Variants in LRMDA observed in about 807,000 individuals in gnomAD.
LRMDA encodes the protein leucine-rich melanocyte differentiation-associated protein.
A neutral mutation model predicts 29.8 loss-of-function variants in LRMDA; 18 were observed. The observed-to-expected ratio is 0.60, with a 90% CI of 0.42 to 0.90. LRMDA has a LOEUF of 0.90. Among genes scored for constraint, LRMDA ranks in the 40% least tolerant of loss-of-function variants. The probability of loss-of-function intolerance (pLI) is 0.00; values close to 1 mark genes in which losing one functional copy is unlikely to be tolerated. For synonymous variants in LRMDA, 125 were observed against 109.4 expected (o/e 1.14, Z -0.89); for missense variants, 273 against 273.9 (o/e 1.00, Z 0.02).
At chr10:76,483,458 G>C (rs1170626640) in intron 6 of LRMDA, among the ~76,000 whole-genome samples, 1 of 151,858 alleles carries the variant, frequency 6.6e-6, no homozygotes, top group Non-Finnish European at 1.5e-5. Flanking sequence ...ACACGGGGCA[G>C]CTTATGGTAA....
intron 2 of LRMDA, among the ~76,000 whole-genome samples, chr10:75,587,783 A>G (rs1026879958): frequency 1.3e-5 from 2 of 152,194 alleles, no homozygotes; most frequent in Non-Finnish European, 1.5e-5. Context: ...GCTGGTCCCT[A>G]TGGATGGCCA....
At chr10:75,692,591 GTGTGTGTGTGTGTGTA>G (rs1168915282) in intron 2 of LRMDA, among the ~76,000 whole-genome samples, 2 of 150,810 alleles carry the variant, frequency 1.3e-5, no homozygotes, top group Non-Finnish European at 3.0e-5. Flanking sequence ...GTGTGTGTGT[GTGTGTGTGTGTGTGTA>G]TGTGTATGTA....
chr10:76,259,475 T>C (rs796914712), intron 5 of LRMDA, among the ~76,000 whole-genome samples: 2 of 152,260 alleles, frequency 1.3e-5, no homozygotes, highest in African/African-American at 4.8e-5. Flanking sequence ...AGACTTGTTT[T>C]GTGGTGTAAC....
At chr10:75,489,293 T>C (rs1181501409) in intron 2 of LRMDA, among the ~76,000 whole-genome samples, 1 of 151,876 alleles carries the variant, frequency 6.6e-6, no homozygotes, top group Non-Finnish European at 1.5e-5. Flanking sequence ...TGCTGAATAT[T>C]GTTCTAAGGA....
intron 5 of LRMDA, among the ~76,000 whole-genome samples, chr10:76,225,605 T>C (rs894513500): frequency 6.6e-6 from 1 of 151,984 alleles, no homozygotes; most frequent in African/African-American, 2.4e-5. Flanking sequence ...CTCTCTTTTC[T>C]TCTCTCTCCA....
chr10:75,524,782 G>T (rs1845396174), intron 2 of LRMDA, among the ~76,000 whole-genome samples: 1 of 152,056 alleles, frequency 6.6e-6, no homozygotes, highest in Non-Finnish European at 1.5e-5. Context: ...TCTTTCTTTT[G>T]TTAATTTTGT....
intron 6 of LRMDA, among the ~76,000 whole-genome samples, chr10:76,424,704 C>G (rs1216165713): frequency 6.6e-6 from 1 of 152,202 alleles, no homozygotes; most frequent in Non-Finnish European, 1.5e-5. Context: ...AATAAAATGG[C>G]AATTGCAGCT....
intron 2 of LRMDA, among the ~76,000 whole-genome samples, chr10:75,916,164 A>ATG (rs34666507): frequency 2.6e-3 from 326 of 124,488 alleles, no homozygotes; most frequent in Non-Finnish European, 4.8e-3. Flanking sequence ...TGCCAGGCCT[A>ATG]TGTGTGTGTG....
chr10:75,707,776 C>T (rs1842387784), intron 2 of LRMDA, among the ~76,000 whole-genome samples: 1 of 152,138 alleles, frequency 6.6e-6, no homozygotes, highest in East Asian at 1.9e-4. Context: ...TGGCCCTGCC[C>T]CTTTCCTGCC....
At chr10:75,566,799 G>A (rs2132067062) in intron 2 of LRMDA, among the ~76,000 whole-genome samples, 1 of 152,134 alleles carries the variant, frequency 6.6e-6, no homozygotes, top group South Asian at 2.1e-4. Context: ...GTTGACGTCT[G>A]GACAGCTCTA....
At chr10:75,834,508 G>T (rs1392261873) in intron 2 of LRMDA, among the ~76,000 whole-genome samples, 1 of 152,010 alleles carries the variant, frequency 6.6e-6, no homozygotes, top group Non-Finnish European at 1.5e-5. Context: ...TCAAGTCCTG[G>T]CTCCTTTTTA....
intron 5 of LRMDA, among the ~76,000 whole-genome samples, chr10:76,160,342 A>G (rs934768884): frequency 6.6e-6 from 1 of 152,092 alleles, no homozygotes; most frequent in African/African-American, 2.4e-5. Context: ...TTAATGTAAA[A>G]AAAAAGACTG....
chr10:75,616,157 G>A (rs1841095047), intron 2 of LRMDA, among the ~76,000 whole-genome samples: 1 of 152,160 alleles, frequency 6.6e-6, no homozygotes, highest in African/African-American at 2.4e-5. Flanking sequence ...AGGCAAGGCA[G>A]GCTGTGCAGG....
At chr10:76,545,945 A>C (rs1370086252) in intron 6 of LRMDA, among the ~76,000 whole-genome samples, 1 of 151,910 alleles carries the variant, frequency 6.6e-6, no homozygotes, top group Non-Finnish European at 1.5e-5. Context: ...AAAAATGCAT[A>C]CTCTTGGCCC....
intron 2 of LRMDA, among the ~76,000 whole-genome samples, chr10:75,650,875 T>A (rs1428545798): frequency 6.6e-6 from 1 of 152,108 alleles, no homozygotes; most frequent in Non-Finnish European, 1.5e-5. Flanking sequence ...GCCCCCATGG[T>A]GGGCAAACAG....
intron 6 of LRMDA, among the ~76,000 whole-genome samples, chr10:76,386,748 T>C (rs1344549564): frequency 1.3e-5 from 2 of 152,168 alleles, no homozygotes; most frequent in African/African-American, 2.4e-5. Flanking sequence ...TGTATTTTTA[T>C]ATATCTGTAG....
intron 2 of LRMDA, among the ~76,000 whole-genome samples, chr10:75,611,974 T>G (rs1841038083): frequency 6.6e-6 from 1 of 152,224 alleles, no homozygotes; most frequent in African/African-American, 2.4e-5. Context: ...CAGTTCCCTC[T>G]GCTGCCTTAA....
intron 2 of LRMDA, among the ~76,000 whole-genome samples, chr10:75,440,419 C>A (rs1844313462): frequency 6.6e-6 from 1 of 151,638 alleles, no homozygotes; most frequent in African/African-American, 2.4e-5. Flanking sequence ...TGGACAGTAG[C>A]TGAGTTTGGG....
At chr10:75,811,032 A>G (rs564552999) in intron 2 of LRMDA, among the ~76,000 whole-genome samples, 1 of 152,274 alleles carries the variant, frequency 6.6e-6, no homozygotes, top group South Asian at 2.1e-4. Flanking sequence ...TACTGTGCCT[A>G]CTGCCTTCTC....
Sources: allele counts gnomAD v4.1 joint callset (sites outside exome capture counted in the v4.1 genomes callset), GRCh38; gene constraint gnomAD v4.1.1; transcripts MANE v1.5; gene names NCBI Gene and HGNC (gene_info 2026-07-23, HGNC 2026-07-21).